Variants in ERAP1 observed in about 807,000 individuals in gnomAD.
ERAP1 encodes the protein endoplasmic reticulum aminopeptidase 1.
ERAP1 carries 86 observed loss-of-function variants against 103.7 expected under a neutral mutation model. The ratio of observed to expected loss-of-function variants is 0.83; its 90% CI spans 0.70 to 0.99. The LOEUF is 0.99. ERAP1 is among the 50% of genes least tolerant of loss of function. The pLI, the probability that ERAP1 is intolerant of heterozygous loss-of-function variation, is 0.00. For synonymous variants in ERAP1, 398 were observed against 402.4 expected, an observed-to-expected ratio of 0.99 and a Z score of 0.13; for missense variants, 1,009 against 1,128.4, an observed-to-expected ratio of 0.89 and a Z score of 1.52.
chr5:96,826,150 C>T, the ERAP1 span, among the ~76,000 whole-genome samples: 1 of 152,206 alleles, frequency 6.6e-6, no homozygotes, highest in Non-Finnish European at 1.5e-5. Flanking sequence ...AATGCCTTTG[C>T]TCCACAAAAA....
At chr5:96,899,978 T>C in the ERAP1 span, 97 of 1,005,372 alleles carry the variant, frequency 9.6e-5, no homozygotes, top group Non-Finnish European at 1.3e-4. Context: ...CATGCCTTTT[T>C]TTCCATTTTT....
At position 96,775,595 on chromosome 5, in the gene ERAP1, A is replaced by G; in HGVS notation, c.*801T>C. On this transcript the variant is annotated 3_prime_UTR_variant, in exon 19 of 19. Coordinates refer to ENST00000443439, the MANE Select transcript of ERAP1 (RefSeq NM_001040458.3). ...AGATTTTTTGCAAAAGTGCGAGCAC[A>G]TTATGTAGAAACCACAAGTCCGCCA... 1.3e-6 allele frequency: 1 copy of G among 762,826 alleles called. No homozygotes were observed. Among genetic ancestry groups the G allele is most frequent in the African/African-American group, 1.9e-5 (1 of 52,862 alleles). The allele number at this position is 762,826 out of a possible 1,614,324, so 47.3% of individuals were successfully genotyped here.
At chr5:96,839,313 C>T in the ERAP1 span, among the ~76,000 whole-genome samples, 1 of 152,172 alleles carries the variant, frequency 6.6e-6, no homozygotes, top group Non-Finnish European at 1.5e-5. Context: ...CTCCCCACCA[C>T]CCCCCAGAGA....
chr5:96,828,857 TA>T, the ERAP1 span, among the ~76,000 whole-genome samples: 20 of 152,274 alleles, frequency 1.3e-4, no homozygotes, highest in African/African-American at 4.8e-4. Context: ...TTTTTTTTAT[TA>T]TTTTTTTGAG....
At chr5:96,767,456 C>T in intron 19 of ERAP1, 1 of 1,612,814 alleles carries the variant, frequency 6.2e-7, no homozygotes, top group Non-Finnish European at 8.5e-7. Context: ...AGTGAAGCCA[C>T]CTACAAAGAA....
At chr5:96,875,245 T>G in the ERAP1 span, among the ~76,000 whole-genome samples, 1 of 152,154 alleles carries the variant, frequency 6.6e-6, no homozygotes, top group Non-Finnish European at 1.5e-5. Context: ...TTGAAAATGA[T>G]TCAAAAAGGC....
chr5:96,916,897 G>A, the ERAP1 span, among the ~76,000 whole-genome samples: 1 of 151,830 alleles, frequency 6.6e-6, no homozygotes, highest in Admixed American at 6.6e-5. Flanking sequence ...TATGACTTGG[G>A]TAAATCATTT....
the ERAP1 span, chr5:96,935,214 C>G: frequency 6.6e-6 from 1 of 152,284 alleles, no homozygotes; most frequent in African/African-American, 2.4e-5. Context: ...GCCTTCTGCC[C>G]ACATCCTGCG....
At chr5:96,896,804 T>C in the ERAP1 span, 1 of 1,605,922 alleles carries the variant, frequency 6.2e-7, no homozygotes, top group East Asian at 2.2e-5. Context: ...AATTCAGTAC[T>C]TAAAGAAGTT....
the ERAP1 span, among the ~76,000 whole-genome samples, chr5:96,856,481 A>C: frequency 4.6e-3 from 696 of 151,094 alleles, 3 homozygotes; most frequent in African/African-American, 0.016. Flanking sequence ...TGTTTGAGCT[A>C]TTTGACACCA....
downstream of ERAP1, chr5:96,770,407 A>G (rs111697869): frequency 0.024 from 14,922 of 632,590 alleles, 266 homozygotes; most frequent in Non-Finnish European, 0.035. Context: ...AAAACACCCA[A>G]AGTCTTCCAT....
At chr5:96,762,142 GTTA>G (rs1270913401) in exon 20 of ERAP1, 6 of 478,560 alleles carry the variant, frequency 1.3e-5, no homozygotes, top group Non-Finnish European at 1.5e-5. Flanking sequence ...AAAATTATAT[GTTA>G]TTATGAGTCT....
At chr5:96,863,427 G>A in the ERAP1 span, among the ~76,000 whole-genome samples, 1 of 152,060 alleles carries the variant, frequency 6.6e-6, no homozygotes, top group Non-Finnish European at 1.5e-5. Flanking sequence ...AATTCAGTGG[G>A]TTTTTCTCAA....
At position 96,781,167 on chromosome 5, in the gene ERAP1, T is replaced by C; in HGVS notation, c.2479A>G (p.Ile827Val). 6.2e-7 allele frequency: 1 copy of C among 1,613,392 alleles called. No homozygotes were observed. The highest frequency in any genetic ancestry group is 8.5e-7 in the Non-Finnish European group (1 of 1,179,790). ...ATTTGTGGAAACTCCTGAGTTTTTA[T>C]TTTATCTCCCTTAAAGCTTTCATCT... Reference protein sequence around the residue: ...LLDESFKGDKIKTQEFPQILT... With the variant: ...LLDESFKGDKVKTQEFPQILT... Residue 827 changes from isoleucine (I) to valine (V), a missense_variant, in exon 17 of 19, where the codon ATA becomes GTA. Around this residue, in one of 3 missense-constraint regions of ERAP1, gnomAD observed 611 missense variants for 651.7 expected, o/e 0.94. Coordinates refer to ENST00000443439, the MANE Select transcript of ERAP1 (RefSeq NM_001040458.3).
At chr5:96,865,842 T>C in the ERAP1 span, among the ~76,000 whole-genome samples, 1 of 152,170 alleles carries the variant, frequency 6.6e-6, no homozygotes, top group Non-Finnish European at 1.5e-5. Flanking sequence ...ATAAGATAGG[T>C]CCACACAAGC....
upstream of ERAP1, among the ~76,000 whole-genome samples, chr5:96,811,117 T>A (rs1424005505): frequency 3.3e-5 from 5 of 151,826 alleles, no homozygotes; most frequent in African/African-American, 9.7e-5. Context: ...TAAAAAAAAA[T>A]AATAATGCCC....
At chr5:96,868,595 T>C in the ERAP1 span, among the ~76,000 whole-genome samples, 88 of 152,222 alleles carry the variant, frequency 5.8e-4, 1 homozygote, top group Non-Finnish European at 7.3e-5. Context: ...GGGAATGTTT[T>C]ATTTAAGATC....
chr5:96,816,555 C>T, the ERAP1 span, among the ~76,000 whole-genome samples: 1 of 152,186 alleles, frequency 6.6e-6, no homozygotes, highest in South Asian at 2.1e-4. Context: ...CTTAATTTGA[C>T]CCAGCTCACT....
At chr5:96,800,295 T>A (rs1433641082) in intron 3 of ERAP1, among the ~76,000 whole-genome samples, 1 of 152,244 alleles carries the variant, frequency 6.6e-6, no homozygotes, top group Non-Finnish European at 1.5e-5. Flanking sequence ...GCATTGAGAT[T>A]GGGGAATAAT....
Sources: allele counts gnomAD v4.1 joint callset (sites outside exome capture counted in the v4.1 genomes callset), GRCh38; gene constraint gnomAD v4.1.1; regional missense constraint gnomAD v4.1.1; transcripts MANE v1.5; gene names NCBI Gene and HGNC (gene_info 2026-07-23, HGNC 2026-07-21).